PROX1: variants seen among roughly 807,000 people sequenced by gnomAD.
The protein encoded by PROX1 is prospero homeobox protein 1.
In PROX1, 7 loss-of-function variants were observed where a neutral mutation model predicts 58.8. The ratio of observed to expected loss-of-function variants is 0.12; its 90% confidence interval spans 0.07 to 0.22. The LOEUF is 0.22. PROX1 is among the 10% of genes least tolerant of loss of function. The pLI is 1.00. For synonymous variants in PROX1, 350 were observed against 358.3 expected (o/e 0.98, Z 0.26); for missense variants, 675 against 927.8 (o/e 0.73, Z 3.54).
chr1:213,986,537 A>C (rs1281983375), upstream of PROX1: 1 of 152,134 alleles, frequency 6.6e-6, no homozygotes, highest in East Asian at 1.9e-4. Flanking sequence ...CGCAGAAGAC[A>C]TTGGTAGTGT....
intron 1 of PROX1, among the ~76,000 whole-genome samples, chr1:213,995,585 AAG>A (rs1217845389): frequency 6.6e-6 from 1 of 152,122 alleles, no homozygotes; most frequent in Non-Finnish European, 1.5e-5. Flanking sequence ...ACTAGTCCTG[AAG>A]ATATATTTAT....
At chr1:214,024,011 C>T (rs2102759947) in intron 4 of PROX1, among the ~76,000 whole-genome samples, 1 of 152,282 alleles carries the variant, frequency 6.6e-6, no homozygotes, top group East Asian at 1.9e-4. Context: ...TTATCATTTT[C>T]AGTGACCTGA....
chr1:214,035,222 C>A (rs889627465), intron 4 of PROX1, among the ~76,000 whole-genome samples: 1 of 152,094 alleles, frequency 6.6e-6, no homozygotes, highest in African/African-American at 2.4e-5. Flanking sequence ...AGAAGCCCAA[C>A]TATTTGTTAT....
rs1002920377 is a variant in PROX1, at chr1:214,036,747, T to C, written c.*913T>C. On this transcript the variant is annotated 3_prime_UTR_variant, in exon 5 of 5. Coordinates refer to ENST00000366958, the MANE Select transcript of PROX1 (RefSeq NM_001270616.2). ...GGATTCTGTTTACTTAACAATTTTT[T>C]CCCCTAAAATACTATTTTCTGAATA... 6.6e-6 allele frequency: 1 copy of C among 152,198 alleles called. No individual in the cohort carries two copies. Among genetic ancestry groups the C allele is most frequent in the Non-Finnish European group, 1.5e-5 (1 of 68,028 alleles). The allele number at this position is 152,198 out of a possible 1,614,324, so 9.4% of individuals were successfully genotyped here.
At chr1:214,019,970 A>G (rs548110528) in intron 4 of PROX1, among the ~76,000 whole-genome samples, 2 of 152,260 alleles carry the variant, frequency 1.3e-5, no homozygotes, top group South Asian at 2.1e-4. Context: ...GAAGTCTACA[A>G]TGCGAAATGA....
chr1:214,023,725 A>G (rs543197564), intron 4 of PROX1, among the ~76,000 whole-genome samples: 1 of 152,302 alleles, frequency 6.6e-6, no homozygotes, highest in African/African-American at 2.4e-5. Context: ...CCATTTGGAT[A>G]TGTATTCTTC....
In PROX1 at chr1:213,996,927, A is replaced by G. The variant is rs1663288505; in HGVS notation, c.392A>G (p.Asn131Ser). 1 of 1,613,798 alleles carries G rather than the reference A, an allele frequency of 6.2e-7. No individual in the cohort carries two copies. Among genetic ancestry groups the G allele is most frequent in the Non-Finnish European group, 8.5e-7 (1 of 1,179,940 alleles). The stretch of plus-strand genomic sequence containing the variant: ...GTACATCAGGAGGATATATGCAGCA[A>G]CTCTTCAAGAGACAGCCCCCCAGAG... ...SEVHQEDICSNSSRDSPPECL... is the reference protein window; with the variant it reads ...SEVHQEDICSSSSRDSPPECL... Residue 131 changes from asparagine to serine, a missense_variant, in exon 2 of 5, where the codon AAC becomes AGC. Physicochemically the swap from Asn to Ser is conservative, Grantham distance 46 (BLOSUM62 1). Transcript: ENST00000366958.
chr1:213,998,110 G>A lies in PROX1; in HGVS notation c.1575G>A (p.Arg525=), dbSNP rs1044548051. The part of the protein sequence containing the change: ...LDLTRDTTSL[R]TKMSSHHLSH... ...TAACTAGGGATACCACGAGTCTGAGGACCAAGATGTCATCTCACCACCTGA... is the reference window on the plus strand; with the variant it reads ...TAACTAGGGATACCACGAGTCTGAGAACCAAGATGTCATCTCACCACCTGA... Residue 525 remains arginine, a synonymous_variant, in exon 2 of 5, where the codon AGG becomes AGA. Transcript: ENST00000366958. 6.2e-7 allele frequency: 1 copy of A among 1,614,010 alleles called. No individual in the cohort carries two copies. Among genetic ancestry groups the A allele is most frequent in the Non-Finnish European group, 8.5e-7 (1 of 1,180,038 alleles).
chr1:214,014,824 CTGTCAGAAGCTTGCTAGTGGCACCTT>C (rs956711386), intron 4 of PROX1, among the ~76,000 whole-genome samples: 2 of 152,176 alleles, frequency 1.3e-5, no homozygotes, highest in African/African-American at 4.8e-5. Context: ...ATCTCTGCCT[CTGTCAGAAGCTTGCTAGTGGCACCTT>C]TGTCACTGCT....
intron 3 of PROX1, among the ~76,000 whole-genome samples, chr1:214,006,118 T>C (rs1167430615): frequency 1.3e-5 from 2 of 152,142 alleles, no homozygotes; most frequent in Admixed American, 6.5e-5. Context: ...AACACTACAT[T>C]AGCTGAGATT....
At chr1:214,010,906 C>T (rs1373731613) in intron 3 of PROX1, among the ~76,000 whole-genome samples, 1 of 152,138 alleles carries the variant, frequency 6.6e-6, no homozygotes, top group African/African-American at 2.4e-5. Flanking sequence ...CAGGAGCTGA[C>T]CAGACCTCAC....
chr1:213,996,808 C>T lies in PROX1; in HGVS notation c.273C>T (p.Thr91=), dbSNP rs1663282610. 6.2e-7 allele frequency: 1 copy of T among 1,614,080 alleles called. No homozygotes were observed. Among genetic ancestry groups the T allele is most frequent in the South Asian group, 1.1e-5 (1 of 91,080 alleles). ...CCATGATGCCTTTTCCAGGAGCAAC[C>T]ATAATTTCCCAGCTGTTGAAAAATA... ...EDAMMPFPGA[T]IISQLLKNNM... Residue 91 remains threonine, a synonymous_variant, in exon 2 of 5, where the codon ACC becomes ACT. Transcript: ENST00000366958.
In PROX1 at chr1:213,997,180, G is replaced by A; in HGVS notation, c.645G>A (p.Gln215=). Residue 215 remains glutamine (Q), a synonymous_variant, in exon 2 of 5, where the codon CAG becomes CAA. Transcript: ENST00000366958. The surrounding 1 kb of genome is among the most constrained non-coding windows in gnomAD (Gnocchi z 7.1). ...RENKRKQKLP[Q]QQQQSFQQLV... is the part of the protein sequence containing the mutation. Reference sequence around the variant, plus strand: ...ACAAACGCAAGCAAAAGCTTCCCCAGCAGCAGCAACAGAGTTTCCAGCAGC... The same window carrying A: ...ACAAACGCAAGCAAAAGCTTCCCCAACAGCAGCAACAGAGTTTCCAGCAGC... The A allele has an allele frequency of 1.2e-6, 2 of 1,613,594 alleles. No individual in the cohort carries two copies. The highest frequency in any genetic ancestry group is 1.7e-6 in the Non-Finnish European group (2 of 1,179,872).
chr1:213,997,451 C>G lies in PROX1; in HGVS notation c.916C>G (p.Gln306Glu), dbSNP rs765361946. ...TGAGATGTGCGAGCTAGACCCAGGA[C>G]AGTTTATTGACCGAGCTCGAGCCCT... ...DNEMCELDPG[Q>E]FIDRARALIR... The change falls in exon 2 of 5, where the codon CAG (glutamine) becomes GAG (glutamate). Residue 306 changes from glutamine to glutamate, a missense_variant. Gln to Glu is a conservative substitution (Grantham distance 29). Transcript: ENST00000366958. The surrounding 1 kb of genome is among the most constrained non-coding windows in gnomAD (Gnocchi z 7.1). 6.2e-7 allele frequency: 1 copy of G among 1,614,076 alleles called. No homozygotes were observed. Among genetic ancestry groups the G allele is most frequent in the Admixed American group, 1.7e-5 (1 of 60,010 alleles).
chr1:214,008,950 C>T (rs140701137), intron 3 of PROX1, among the ~76,000 whole-genome samples: 2 of 152,136 alleles, frequency 1.3e-5, no homozygotes, highest in African/African-American at 4.8e-5. Context: ...TGCCAGGGAT[C>T]GATGGGCCGC....
In PROX1 at chr1:214,037,197, G is replaced by T. The variant is rs530836036; in HGVS notation, c.*1363G>T. The T allele has an allele frequency of 2.0e-4, 31 of 151,860 alleles. No homozygotes were observed. Among genetic ancestry groups the T allele is most frequent in the Admixed American group, 5.9e-4 (9 of 15,256 alleles). 9.4% of individuals were successfully genotyped at this position (151,860 alleles called of 1,614,324 possible). A position where few individuals can be genotyped will look rare whatever the true frequency, so the allele number is the denominator to read the frequency against. On this transcript the variant is annotated 3_prime_UTR_variant, in exon 5 of 5. Transcript: ENST00000366958. ...CAATGATGTACAGTGTTCCCTACTT[G>T]CATTGAAAAAACTCGTATGGCATTC...
rs764498659 is a variant in PROX1, at chr1:213,998,176, C to T, written c.1641C>T (p.Ala547=). The T allele has an allele frequency of 6.2e-7, 1 of 1,613,800 alleles. No individual in the cohort carries two copies. The highest frequency in any genetic ancestry group is 1.1e-5 in the South Asian group (1 of 91,016). ...CACCAGCACACCCGCCCAGCACCGCCGAAGGGCTCTCCTTGTCGCTCATAA... is the reference window on the plus strand; with the variant it reads ...CACCAGCACACCCGCCCAGCACCGCTGAAGGGCTCTCCTTGTCGCTCATAA... ...PCSPAHPPST[A]EGLSLSLIKS... Residue 547 remains alanine, a synonymous_variant, in exon 2 of 5, where the codon GCC becomes GCT. Transcript: ENST00000366958.
intron 4 of PROX1, among the ~76,000 whole-genome samples, chr1:214,014,772 TTCTC>T (rs1159994766): frequency 6.6e-6 from 1 of 152,188 alleles, no homozygotes; most frequent in African/African-American, 2.4e-5. Flanking sequence ...TATTCCTTCT[TTCTC>T]TCCTCTACCC....
At chr1:213,996,419 G>A (rs1237037110) in intron 1 of PROX1, 50 bp from the exon 2 acceptor site, 2 of 1,271,344 alleles carry the variant, frequency 1.6e-6, no homozygotes, top group African/African-American at 3.0e-5. Flanking sequence ...CAGGAAATTT[G>A]GAGAAATTTA....
Sources: gnomAD v4.1 joint callset for allele counts (sites outside exome capture counted in the v4.1 genomes callset) on GRCh38, gnomAD v4.1.1 for gene constraint, Gnocchi (gnomAD v3.1) non-coding constraint, MANE v1.5 for transcripts, NCBI Gene and HGNC (gene_info 2026-07-23, HGNC 2026-07-21) for gene names.